GTF2IRD1: variants seen among roughly 807,000 people sequenced by gnomAD.
The protein encoded by GTF2IRD1 is general transcription factor II-I repeat domain-containing protein 1.
A neutral mutation model predicts 113.2 loss-of-function variants in GTF2IRD1; 26 were observed. The ratio of observed to expected loss-of-function variants is 0.23; its 90% CI spans 0.17 to 0.32. The LOEUF (loss-of-function observed/expected upper bound fraction) is 0.32, where lower values mean the gene tolerates loss of function less well. Ranked by LOEUF, GTF2IRD1 falls within the 10% of genes least tolerant of loss-of-function variation. The probability of loss-of-function intolerance (pLI) is 1.00; values close to 1 mark genes in which losing one functional copy is unlikely to be tolerated. For missense variants in GTF2IRD1, 864 were observed against 1,280.8 expected (o/e 0.67, Z 4.97); for synonymous variants, 484 against 529.1 (o/e 0.91, Z 1.17).
chr7:74,563,448 G>C (rs1467545113), intron 22 of GTF2IRD1, among the ~76,000 whole-genome samples: 1 of 151,962 alleles, frequency 6.6e-6, no homozygotes, highest in Admixed American at 6.6e-5. Flanking sequence ...ATGGTGGCGG[G>C]TGCCTCTAAT....
At chr7:74,595,573 G>A (rs1554372018) in intron 25 of GTF2IRD1, among the ~76,000 whole-genome samples, 1 of 152,098 alleles carries the variant, frequency 6.6e-6, no homozygotes, top group African/African-American at 2.4e-5. Context: ...AAATAGATGT[G>A]GTCCAGGTGG....
rs1799827508 is a variant in GTF2IRD1 at position 74,559,632 on chromosome 7, T to C, written c.2297T>C (p.Phe766Ser). The C allele has an allele frequency of 6.3e-7, 1 of 1,596,022 alleles. No homozygotes were observed. Residue 766 changes from phenylalanine (F) to serine (S), a missense_variant, in exon 22 of 27, where the codon TTC becomes TCC. Coordinates refer to ENST00000424337, the MANE Select transcript of GTF2IRD1 (RefSeq NM_005685.4). ...TGCCTCTGTTTCTCTTCTAGGCCTT[T>C]CCAAGGACTCATCCCAAAGCCTGGT... is the stretch of plus-strand genomic sequence containing the variant. ...DKIKFTVTRPFQGLIPKPDED... is the reference protein window; with the variant it reads ...DKIKFTVTRPSQGLIPKPDED...
Position 74,523,487 on chromosome 7 carries a change from A to C in GTF2IRD1, c.1007-584A>C, listed in dbSNP as rs587764517. The stretch of plus-strand genomic sequence containing the variant: ...GTAATCCCAGCACTTTGGGAGGCCA[A>C]GGCGGGTGGATCACCTGAGGTCAGG... On this transcript the variant is annotated intron_variant, in intron 7 of 26. Transcript: ENST00000424337. Among the ~76,000 whole-genome samples, 5 of 152,322 alleles carry C rather than the reference A, an allele frequency of 3.3e-5. No individual in the cohort carries two copies. The East Asian group carries it at 7.7e-4, about 24-fold the overall frequency.
In GTF2IRD1 at chr7:74,510,570, A is replaced by C. The variant is rs1796568216; in HGVS notation, c.124-2260A>C. 3.3e-5 allele frequency among the ~76,000 whole-genome samples: 5 copies of C among 150,872 alleles called. No individual in the cohort carries two copies. In the Admixed American group the frequency reaches 3.3e-4, roughly 10 times the overall value. On this transcript the variant is annotated intron_variant, in intron 2 of 26. Coordinates refer to ENST00000424337, the MANE Select transcript of GTF2IRD1 (RefSeq NM_005685.4). ...GTGATCCACCTGCCTCAGCCTCCCA[A>C]AGTGCTGGGATTACAGGTGTGAGCC... is the stretch of plus-strand genomic sequence containing the variant.
intron 9 of GTF2IRD1, among the ~76,000 whole-genome samples, chr7:74,530,705 A>G (rs1198159797): frequency 6.6e-6 from 1 of 151,854 alleles, no homozygotes; most frequent in African/African-American, 2.4e-5. Context: ...CCTGACATGT[A>G]GCAGATGTTT....
At chr7:74,600,846 C>T in intron 25 of GTF2IRD1, 198 bp from the exon 26 acceptor site, 1 of 611,168 alleles carries the variant, frequency 1.6e-6, no homozygotes, top group East Asian at 2.7e-5. Flanking sequence ...GGAGAGTGGG[C>T]CCTCGGGCTT....
chr7:74,503,760 T>C (rs1796156405), intron 1 of GTF2IRD1, among the ~76,000 whole-genome samples: 1 of 152,100 alleles, frequency 6.6e-6, no homozygotes, highest in African/African-American at 2.4e-5. Context: ...TAATAATAAT[T>C]TTAACTTTTA....
chr7:74,556,790 A>ATTTTTTTTTTTTTTTTTTTTTTT (rs587648610), intron 19 of GTF2IRD1, among the ~76,000 whole-genome samples: 6 of 133,022 alleles, frequency 4.5e-5, no homozygotes, highest in African/African-American at 1.4e-4. Flanking sequence ...TGCCTGGCTA[A>ATTTTTTTTTTTTTTTTTTTTTTT]TTTTTGTATT....
intron 4 of GTF2IRD1, among the ~76,000 whole-genome samples, chr7:74,516,074 T>C (rs1367899071): frequency 1.3e-5 from 2 of 152,242 alleles, no homozygotes; most frequent in Non-Finnish European, 2.9e-5. Flanking sequence ...AGGGCCCTAC[T>C]GACCTCTCTA....
rs1191271580 is a variant in GTF2IRD1, at chr7:74,555,106, G to A, written c.1917-68G>A. On this transcript the variant is annotated intron_variant, in intron 17 of 26. Coordinates refer to ENST00000424337, the MANE Select transcript of GTF2IRD1 (RefSeq NM_005685.4). The surrounding 1 kb of genome is among the most constrained non-coding windows in gnomAD (Gnocchi z 5.3). ...AGGGCTGTGTAGACTGAGGCCCAGA[G>A]AGGAGGGCTGAGCAGTCCCAGAGAT... The A allele has an allele frequency of 1.1e-5, 16 of 1,431,198 alleles. No homozygotes were observed. The highest frequency in any genetic ancestry group is 1.8e-4 in the Middle Eastern group (1 of 5,644). The allele number at this position is 1,431,198 out of a possible 1,614,324, so 88.7% of individuals were successfully genotyped here.
intron 7 of GTF2IRD1, 75 bp from the exon 8 acceptor site, chr7:74,523,996 G>A (rs782420560): frequency 1.4e-4 from 143 of 1,037,528 alleles, no homozygotes; most frequent in Non-Finnish European, 2.0e-4. Context: ...GTGAAAGCCC[G>A]GTGGTCATGG....
intron 26 of GTF2IRD1, 78 bp from the exon 27 acceptor site, chr7:74,602,287 C>T: frequency 6.6e-7 from 1 of 1,514,674 alleles, no homozygotes. Context: ...AAAGCTCTTC[C>T]AAAAGCAGAA....
intron 22 of GTF2IRD1, among the ~76,000 whole-genome samples, chr7:74,564,317 G>A (rs1294186560): frequency 6.6e-6 from 1 of 152,246 alleles, no homozygotes; most frequent in South Asian, 2.1e-4. Flanking sequence ...GTGAGCCACC[G>A]CACCTGGCTG....
chr7:74,594,379 C>G (rs1562901311), intron 24 of GTF2IRD1, among the ~76,000 whole-genome samples: 1 of 151,870 alleles, frequency 6.6e-6, no homozygotes. Context: ...GACTCTGTCT[C>G]AAAAATAATA....
intron 22 of GTF2IRD1, among the ~76,000 whole-genome samples, chr7:74,577,405 C>A (rs1433404375): frequency 6.6e-6 from 1 of 152,166 alleles, no homozygotes; most frequent in Non-Finnish European, 1.5e-5. Context: ...CGCGCACACA[C>A]ATAATTTCTC....
At position 74,475,399 on chromosome 7, in the gene GTF2IRD1, G is replaced by A. The variant is rs572375401; in HGVS notation, c.-7+21223G>A. 2.2e-4 allele frequency among the ~76,000 whole-genome samples: 33 copies of A among 152,336 alleles called. 2 individuals are homozygous for A. Among genetic ancestry groups the A allele is most frequent in the Admixed American group, 2.2e-3 (33 of 15,302 alleles). On this transcript the variant is annotated intron_variant, in intron 1 of 26. Coordinates refer to ENST00000424337, the MANE Select transcript of GTF2IRD1 (RefSeq NM_005685.4). ...GGAGGGTACTGGGGCCCAGAGAGGG[G>A]AAGGAAGTTCTCCAGCATCACACAG...
intron 1 of GTF2IRD1, among the ~76,000 whole-genome samples, chr7:74,458,770 T>G (rs1793163919): frequency 6.6e-6 from 1 of 151,780 alleles, no homozygotes; most frequent in South Asian, 2.1e-4. Context: ...TTCTCGTGCC[T>G]CAGCCTCCCG....
chr7:74,519,624 C>T lies in GTF2IRD1; in HGVS notation c.821C>T (p.Ala274Val). 1.2e-6 allele frequency: 2 copies of T among 1,611,596 alleles called. No homozygotes were observed. Among genetic ancestry groups the T allele is most frequent in the Non-Finnish European group, 1.7e-6 (2 of 1,178,760 alleles). The stretch of plus-strand genomic sequence containing the variant: ...GCCATCCGAGAGCTCAAGCAGGAAG[C>T]ACCTTCCTGCCCCCTTGCCCCCAGC... Reference protein sequence around the residue: ...NHAIRELKQEAPSCPLAPSDL... With the variant: ...NHAIRELKQEVPSCPLAPSDL... The change falls in exon 6 of 27, where the codon GCA becomes GTA. Residue 274 changes from alanine to valine, a missense_variant. Physicochemically the swap from Ala to Val is moderately conservative, Grantham distance 64. Around this residue, in one of 7 missense-constraint regions of GTF2IRD1, gnomAD observed 195 missense variants for 196.6 expected, o/e 0.99. Transcript: ENST00000424337.
chr7:74,474,827 A>G (rs1162576355), intron 1 of GTF2IRD1, among the ~76,000 whole-genome samples: 1 of 152,110 alleles, frequency 6.6e-6, no homozygotes, highest in Non-Finnish European at 1.5e-5. Context: ...AGGGAAAGGG[A>G]TCTGGCTGGG....
Sources: allele counts gnomAD v4.1 joint callset (sites outside exome capture counted in the v4.1 genomes callset), GRCh38; gene constraint gnomAD v4.1.1; regional missense constraint gnomAD v4.1.1; non-coding constraint Gnocchi (gnomAD v3.1); transcripts MANE v1.5; gene names NCBI Gene and HGNC (gene_info 2026-07-23, HGNC 2026-07-21).